MYO5A: variants seen among roughly 807,000 people sequenced by gnomAD.
The protein encoded by MYO5A is myosin VA, also known as unconventional myosin-Va.
MYO5A carries 98 observed loss-of-function variants against 249.7 expected under a neutral mutation model. The observed-to-expected ratio is 0.39, with a 90% CI of 0.33 to 0.46. The LOEUF is 0.46. MYO5A is among the 20% of genes least tolerant of loss of function. The pLI is 0.98. For missense variants in MYO5A, 1,696 were observed against 2,308.8 expected, an observed-to-expected ratio of 0.73 and a Z score of 5.44; for synonymous variants, 778 against 810.6, an observed-to-expected ratio of 0.96 and a Z score of 0.68.
intron 3 of MYO5A, 56 bp from the exon 4 acceptor site, chr15:52,426,030 CA>C (rs928103260): frequency 1.4e-5 from 20 of 1,475,300 alleles, no homozygotes; most frequent in Non-Finnish European, 1.8e-5. Flanking sequence ...CCCTAATGGG[CA>C]TATCAAACTT....
At chr15:52,392,750 T>C (rs2042301402) in intron 11 of MYO5A, among the ~76,000 whole-genome samples, 2 of 152,276 alleles carry the variant, frequency 1.3e-5, no homozygotes, top group Non-Finnish European at 2.9e-5. Context: ...CTGTCTACCA[T>C]GTGCCAGTCA....
chr15:52,498,309 T>A (rs2077083806), intron 1 of MYO5A, among the ~76,000 whole-genome samples: 1 of 152,200 alleles, frequency 6.6e-6, no homozygotes, highest in Non-Finnish European at 1.5e-5. Context: ...CAATATTCAT[T>A]CATGCTTATT....
At chr15:52,427,047 T>A (rs2141286151) in intron 3 of MYO5A, among the ~76,000 whole-genome samples, 1 of 152,284 alleles carries the variant, frequency 6.6e-6, no homozygotes, top group Admixed American at 6.5e-5. Flanking sequence ...CTGATTCCAA[T>A]TTTCTATCAA....
intron 39 of MYO5A, among the ~76,000 whole-genome samples, chr15:52,318,456 C>CAAAAAAAA (rs35901511): frequency 1.1e-5 from 1 of 87,508 alleles, no homozygotes; most frequent in African/African-American, 4.1e-5. Flanking sequence ...AACTCCATCT[C>CAAAAAAAA]AAAAAAAAAA....
At chr15:52,420,127 G>A (rs886890553) in intron 4 of MYO5A, among the ~76,000 whole-genome samples, 5 of 152,024 alleles carry the variant, frequency 3.3e-5, no homozygotes, top group African/African-American at 1.2e-4. Flanking sequence ...GCAACATAGT[G>A]AGATTCCATC....
intron 1 of MYO5A, among the ~76,000 whole-genome samples, chr15:52,486,896 G>T (rs2076833145): frequency 6.6e-6 from 1 of 152,156 alleles, no homozygotes; most frequent in Non-Finnish European, 1.5e-5. Flanking sequence ...TAGGCACACG[G>T]GTGAAGGAAA....
chr15:52,315,383 T>C (rs989677533), intron 40 of MYO5A, among the ~76,000 whole-genome samples: 1 of 150,810 alleles, frequency 6.6e-6, no homozygotes, highest in East Asian at 1.9e-4. Context: ...TTGATTCTGA[T>C]TGTCTACTGA....
rs369112073 is a variant in MYO5A, at chr15:52,330,312, T to A, written c.4555+41A>T. 5.6e-6 allele frequency: 9 copies of A among 1,613,672 alleles called. No homozygotes were observed. In the African/African-American group the frequency reaches 1.2e-4, roughly 22 times the overall value. Reference sequence around the variant, plus strand: ...ACTAGTTTTTCCCACCATTAACCCATGTGCCAGAAGGAACTTTTATCCAAT... The same window carrying A: ...ACTAGTTTTTCCCACCATTAACCCAAGTGCCAGAAGGAACTTTTATCCAAT... On this transcript the variant is annotated intron_variant, in intron 35 of 41. Coordinates refer to ENST00000399233, the MANE Select transcript of MYO5A (RefSeq NM_001382347.1).
chr15:52,440,095 G>A (rs572390384), intron 1 of MYO5A, among the ~76,000 whole-genome samples: 1 of 152,328 alleles, frequency 6.6e-6, no homozygotes, highest in Non-Finnish European at 1.5e-5. Context: ...AATTTTGACA[G>A]AGTCTAAAAG....
rs918120454 is a variant in MYO5A at position 52,312,037 on chromosome 15, G to A, written c.*1659C>T. On this transcript the variant is annotated 3_prime_UTR_variant, in exon 42 of 42. Transcript: ENST00000399233. ...CTAATAATTTGCTTTTGTGCAACCT[G>A]AAGGATTTATTGTATAAGATTCCTA... The A allele has an allele frequency of 6.6e-6, 1 of 152,484 alleles. No individual in the cohort carries two copies. The highest frequency in any genetic ancestry group is 2.1e-4 in the South Asian group (1 of 4,830). 9.4% of individuals were successfully genotyped at this position (152,484 alleles called of 1,614,324 possible).
chr15:52,405,450 T>A, intron 8 of MYO5A, 57 bp from the exon 9 acceptor site: 1 of 1,276,884 alleles, frequency 7.8e-7, no homozygotes, highest in Non-Finnish European at 1.1e-6. Context: ...ACTAAACAAT[T>A]ACAGCAGACA....
chr15:52,459,803 A>G (rs1244552836), intron 1 of MYO5A, among the ~76,000 whole-genome samples: 1 of 151,058 alleles, frequency 6.6e-6, no homozygotes, highest in Non-Finnish European at 1.5e-5. Flanking sequence ...GGGGCTCCTC[A>G]CTTCCCAGAC....
intron 1 of MYO5A, among the ~76,000 whole-genome samples, chr15:52,481,683 C>G (rs1052621169): frequency 1.3e-5 from 2 of 152,048 alleles, no homozygotes; most frequent in East Asian, 3.9e-4. Context: ...AATTCATGTT[C>G]CAGACATGAA....
intron 1 of MYO5A, among the ~76,000 whole-genome samples, chr15:52,499,474 A>T (rs2077109285): frequency 6.6e-6 from 1 of 152,186 alleles, no homozygotes; most frequent in African/African-American, 2.4e-5. Context: ...CTCCATATCC[A>T]TTAAATGAAC....
chr15:52,375,367 T>C lies in MYO5A; in HGVS notation c.2514A>G (p.Arg838=). The C allele has an allele frequency of 6.2e-7, 1 of 1,614,158 alleles. No homozygotes were observed. The highest frequency in any genetic ancestry group is 1.1e-5 in the South Asian group (1 of 91,086). The part of the protein sequence containing the change: ...YVVRRRYKIR[R]AATIVLQSYL... ...AAGACTGAAGAACGATAGTGGCAGC[T>C]CGTCTAATCTTGTACCTCCTGCGGA... The change falls in exon 20 of 42, where the codon CGA becomes CGG. Residue 838 remains arginine (R), a synonymous_variant. Coordinates refer to ENST00000399233, the MANE Select transcript of MYO5A (RefSeq NM_001382347.1).
chr15:52,466,285 T>C (rs985254384), intron 1 of MYO5A, among the ~76,000 whole-genome samples: 3 of 152,024 alleles, frequency 2.0e-5, no homozygotes, highest in Non-Finnish European at 4.4e-5. Context: ...CTGAAACCTG[T>C]GGGAGGGGCT....
intron 1 of MYO5A, among the ~76,000 whole-genome samples, chr15:52,524,583 A>AAATAAATG (rs2077694405): frequency 6.6e-6 from 1 of 151,482 alleles, no homozygotes; most frequent in Non-Finnish European, 1.5e-5. Context: ...ATAAATAAAT[A>AAATAAATG]AATAAATAAA....
chr15:52,327,525 T>C (rs564143221), intron 36 of MYO5A, among the ~76,000 whole-genome samples: 26 of 152,212 alleles, frequency 1.7e-4, no homozygotes, highest in Non-Finnish European at 3.1e-4. Context: ...CTGGGCAACA[T>C]AGTGAGACCC....
At chr15:52,413,413 C>A (rs888150749) in intron 5 of MYO5A, among the ~76,000 whole-genome samples, 1 of 151,994 alleles carries the variant, frequency 6.6e-6, no homozygotes, top group African/African-American at 2.4e-5. Context: ...ATCTGTACAT[C>A]ATTCACATTT....
Sources: gnomAD v4.1 joint callset for allele counts (sites outside exome capture counted in the v4.1 genomes callset) on GRCh38, gnomAD v4.1.1 for gene constraint, MANE v1.5 for transcripts, NCBI Gene and HGNC (gene_info 2026-07-23, HGNC 2026-07-21) for gene names.